Variants in LRRC4C observed in about 807,000 individuals in gnomAD.
The protein encoded by LRRC4C is leucine-rich repeat-containing protein 4C.
A neutral mutation model predicts 33.6 loss-of-function variants in LRRC4C; 5 were observed. The observed-to-expected ratio is 0.15, with a 90% CI of 0.08 to 0.31. The LOEUF (loss-of-function observed/expected upper bound fraction) is 0.31. LRRC4C is among the 10% of genes least tolerant of loss of function. The probability of loss-of-function intolerance (pLI) is 1.00; values close to 1 mark genes in which losing one functional copy is unlikely to be tolerated. For synonymous variants in LRRC4C, 329 were observed against 302.0 expected (o/e 1.09, Z -0.93); for missense variants, 560 against 796.7 (o/e 0.70, Z 3.58).
At chr11:40,224,671 T>C (rs996540898) in intron 5 of LRRC4C, among the ~76,000 whole-genome samples, 28 of 152,218 alleles carry the variant, frequency 1.8e-4, no homozygotes, top group African/African-American at 6.8e-4. Flanking sequence ...AGATTTGTTG[T>C]TGAGGTTAAA....
chr11:41,219,060 C>G (rs141272157), intron 1 of LRRC4C, among the ~76,000 whole-genome samples: 1 of 152,036 alleles, frequency 6.6e-6, no homozygotes, highest in East Asian at 1.9e-4. Context: ...CTTGAGCCAC[C>G]GCGCCCGGCC....
intron 2 of LRRC4C, among the ~76,000 whole-genome samples, chr11:40,691,378 C>T (rs1196839285): frequency 6.6e-6 from 1 of 151,978 alleles, no homozygotes; most frequent in Non-Finnish European, 1.5e-5. Context: ...ATTTCCTCTT[C>T]ATCACAAGAA....
intron 1 of LRRC4C, among the ~76,000 whole-genome samples, chr11:41,151,644 A>G (rs1427372083): frequency 5.9e-5 from 9 of 152,222 alleles, no homozygotes; most frequent in Non-Finnish European, 1.0e-4. Context: ...AAGAAACTGC[A>G]CATTCAAACC....
At chr11:41,442,750 T>A (rs1192099686) in intron 1 of LRRC4C, among the ~76,000 whole-genome samples, 1 of 152,122 alleles carries the variant, frequency 6.6e-6, no homozygotes, top group Non-Finnish European at 1.5e-5. Context: ...ATTACAGGCG[T>A]GAGCCACCGC....
chr11:40,822,438 C>T (rs928371659), intron 2 of LRRC4C, among the ~76,000 whole-genome samples: 4 of 151,508 alleles, frequency 2.6e-5, no homozygotes, highest in African/African-American at 4.8e-5. Flanking sequence ...GGTTGATTCT[C>T]TATCTTGGCT....
At chr11:40,580,154 GA>G (rs1191027079) in intron 3 of LRRC4C, among the ~76,000 whole-genome samples, 1 of 151,656 alleles carries the variant, frequency 6.6e-6, no homozygotes, top group Non-Finnish European at 1.5e-5. Flanking sequence ...CTGCTATAAA[GA>G]AATTCCCCGA....
chr11:41,422,863 A>C (rs1954918480), intron 1 of LRRC4C, among the ~76,000 whole-genome samples: 1 of 152,094 alleles, frequency 6.6e-6, no homozygotes, highest in South Asian at 2.1e-4. Flanking sequence ...TTGTCAGCAG[A>C]GACGCACTGA....
intron 1 of LRRC4C, among the ~76,000 whole-genome samples, chr11:41,015,477 C>T (rs1855514767): frequency 6.6e-6 from 1 of 152,070 alleles, no homozygotes; most frequent in South Asian, 2.1e-4. Flanking sequence ...TATAGGCACA[C>T]ACCAGTCTGT....
chr11:40,475,524 A>G (rs1354512650), intron 3 of LRRC4C, among the ~76,000 whole-genome samples: 1 of 152,058 alleles, frequency 6.6e-6, no homozygotes, highest in Non-Finnish European at 1.5e-5. Context: ...GAGTGTAGCA[A>G]ACCACCATGG....
chr11:41,069,059 G>A (rs1008270396), intron 1 of LRRC4C, among the ~76,000 whole-genome samples: 7 of 152,064 alleles, frequency 4.6e-5, no homozygotes. Flanking sequence ...ACATTAAAAG[G>A]CTTAAACCAC....
chr11:41,003,764 G>C (rs1255997668), intron 1 of LRRC4C, among the ~76,000 whole-genome samples: 10 of 151,792 alleles, frequency 6.6e-5, no homozygotes, highest in Non-Finnish European at 1.5e-4. Context: ...AATTTGCAGT[G>C]CCCTTGGCAA....
At chr11:40,122,152 T>A (rs2134671769) in intron 6 of LRRC4C, among the ~76,000 whole-genome samples, 1 of 152,310 alleles carries the variant, frequency 6.6e-6, no homozygotes, top group South Asian at 2.1e-4. Context: ...TGCTGTTTTC[T>A]TCAATCCTGA....
intron 2 of LRRC4C, among the ~76,000 whole-genome samples, chr11:40,906,694 CT>C (rs1592053316): frequency 6.0e-5 from 9 of 151,036 alleles, no homozygotes; most frequent in African/African-American, 1.7e-4. Flanking sequence ...GTTTCCCTCT[CT>C]CTCTCTCTCT....
At chr11:41,299,778 T>G (rs1252170759) in intron 1 of LRRC4C, among the ~76,000 whole-genome samples, 4 of 152,132 alleles carry the variant, frequency 2.6e-5, no homozygotes, top group Non-Finnish European at 4.4e-5. Flanking sequence ...AAGCAATAAG[T>G]TTATTTTTTC....
chr11:40,739,019 GTGTGTGTGTA>G (rs1484202925), intron 2 of LRRC4C, among the ~76,000 whole-genome samples: 2 of 126,784 alleles, frequency 1.6e-5, no homozygotes, highest in African/African-American at 6.2e-5. Flanking sequence ...GTGTGTGTGT[GTGTGTGTGTA>G]TGTGTGTGTG....
At chr11:41,364,996 A>T (rs546553894) in intron 1 of LRRC4C, among the ~76,000 whole-genome samples, 1 of 152,072 alleles carries the variant, frequency 6.6e-6, no homozygotes, top group East Asian at 1.9e-4. Flanking sequence ...TGTGCACGTG[A>T]TATTTGTATT....
chr11:41,173,742 C>T (rs1731129369), intron 1 of LRRC4C, among the ~76,000 whole-genome samples: 2 of 152,070 alleles, frequency 1.3e-5, no homozygotes, highest in African/African-American at 4.8e-5. Flanking sequence ...ACCCCATCTG[C>T]CTGGAGACAG....
chr11:40,369,138 A>G (rs2137242333), intron 3 of LRRC4C, among the ~76,000 whole-genome samples: 1 of 152,142 alleles, frequency 6.6e-6, no homozygotes. Context: ...TATACAGTGG[A>G]CACAGTCACA....
intron 2 of LRRC4C, among the ~76,000 whole-genome samples, chr11:40,715,269 G>A (rs1314829964): frequency 6.6e-6 from 1 of 152,068 alleles, no homozygotes; most frequent in Non-Finnish European, 1.5e-5. Flanking sequence ...TCACAAATAA[G>A]AAAACCCAAA....
Sources: gnomAD v4.1 joint callset for allele counts (sites outside exome capture counted in the v4.1 genomes callset) on GRCh38, gnomAD v4.1.1 for gene constraint, MANE v1.5 for transcripts, NCBI Gene and HGNC (gene_info 2026-07-23, HGNC 2026-07-21) for gene names.